ANO3: variants seen among roughly 807,000 people sequenced by gnomAD.
ANO3 encodes anoctamin 3.
In ANO3, 99 loss-of-function variants were observed where a neutral mutation model predicts 144.8. The observed-to-expected ratio is 0.68, with a 90% CI of 0.58 to 0.81. ANO3 has a LOEUF of 0.81. Among genes scored for constraint, ANO3 ranks in the 30% least tolerant of loss-of-function variants. The pLI is 0.00. For synonymous variants in ANO3, 414 were observed against 392.6 expected, an observed-to-expected ratio of 1.05 and a Z score of -0.64; for missense variants, 905 against 1,202.2, an observed-to-expected ratio of 0.75 and a Z score of 3.66.
chr11:26,437,820 C>G (rs1050495222), intron 1 of ANO3, among the ~76,000 whole-genome samples: 1 of 149,818 alleles, frequency 6.7e-6, no homozygotes, highest in Non-Finnish European at 1.5e-5. Flanking sequence ...ACACGTAACT[C>G]ATGTATGAGT....
intron 14 of ANO3, among the ~76,000 whole-genome samples, chr11:26,591,173 T>A (rs1851439760): frequency 6.6e-6 from 1 of 152,142 alleles, no homozygotes; most frequent in African/African-American, 2.4e-5. Context: ...GAATTCTTAG[T>A]CAGCCTAGGA....
chr11:26,411,691 T>C (rs537726959), intron 1 of ANO3, among the ~76,000 whole-genome samples: 5 of 151,514 alleles, frequency 3.3e-5, no homozygotes, highest in Non-Finnish European at 7.4e-5. Context: ...GTGAGATAAG[T>C]ATGGCAATAT....
chr11:26,482,126 G>A (rs1378946795), intron 4 of ANO3, among the ~76,000 whole-genome samples: 1 of 151,828 alleles, frequency 6.6e-6, no homozygotes, highest in African/African-American at 2.4e-5. Flanking sequence ...CCAACCTCCT[G>A]GGCTCAAGTG....
At chr11:26,192,457 A>G (rs1247949976) in intron 1 of ANO3, among the ~76,000 whole-genome samples, 3 of 152,178 alleles carry the variant, frequency 2.0e-5, no homozygotes, top group African/African-American at 7.2e-5. Context: ...ATAAAATATA[A>G]CTGATGAAGG....
chr11:26,335,013 T>C (rs539764415), intron 1 of ANO3, among the ~76,000 whole-genome samples: 57 of 152,252 alleles, frequency 3.7e-4, no homozygotes, highest in Non-Finnish European at 6.8e-4. Context: ...CCGATCAAAA[T>C]TGGTTTTGAT....
intron 1 of ANO3, among the ~76,000 whole-genome samples, chr11:26,294,125 G>T (rs940111397): frequency 2.6e-5 from 4 of 152,116 alleles, no homozygotes; most frequent in South Asian, 2.1e-4. Context: ...AATAAAATAC[G>T]TTTAAAGGAC....
intron 10 of ANO3, among the ~76,000 whole-genome samples, chr11:26,541,740 T>C (rs1220602025): frequency 6.6e-6 from 1 of 152,156 alleles, no homozygotes; most frequent in Non-Finnish European, 1.5e-5. Context: ...AGTAATTTAA[T>C]AAAAGATTTT....
intron 1 of ANO3, among the ~76,000 whole-genome samples, chr11:26,324,772 C>A (rs1019412151): frequency 6.6e-6 from 1 of 152,148 alleles, no homozygotes; most frequent in Admixed American, 6.6e-5. Flanking sequence ...CAAAGGCAGT[C>A]TGGAAACATG....
intron 1 of ANO3, among the ~76,000 whole-genome samples, chr11:26,282,303 T>C (rs962702979): frequency 9.7e-5 from 14 of 144,138 alleles, no homozygotes; most frequent in African/African-American, 4.0e-4. Flanking sequence ...AGGTTTTCAT[T>C]TTTTTTGTTT....
At chr11:26,601,868 C>T (rs1161440158) in intron 17 of ANO3, among the ~76,000 whole-genome samples, 4 of 152,052 alleles carry the variant, frequency 2.6e-5, no homozygotes, top group African/African-American at 4.8e-5. Context: ...CATTTCTTAT[C>T]GTAAGTAGGT....
At chr11:26,616,782 T>A (rs1852274575) in intron 17 of ANO3, among the ~76,000 whole-genome samples, 1 of 152,216 alleles carries the variant, frequency 6.6e-6, no homozygotes, top group Non-Finnish European at 1.5e-5. Context: ...TTATTATTTT[T>A]ATTTTTTTGA....
rs147793863 is a variant in ANO3 at position 26,563,478 on chromosome 11, T to C, written c.1447+3699T>C. ...ATATATGGGCAAACGTATTTGTTGA[T>C]AAAACCACACTTCTAATTTTTAATT... On this transcript the variant is annotated intron_variant, in intron 14 of 26. Coordinates refer to ENST00000256737, the MANE Select transcript of ANO3 (RefSeq NM_031418.4). Among the ~76,000 whole-genome samples, 79 of 151,516 alleles carry C rather than the reference T, an allele frequency of 5.2e-4. 2 individuals are homozygous for C. The East Asian group carries it at 0.015, about 28-fold the overall frequency.
intron 1 of ANO3, among the ~76,000 whole-genome samples, chr11:26,356,976 C>G (rs1240880003): frequency 6.6e-6 from 1 of 152,186 alleles, no homozygotes; most frequent in Non-Finnish European, 1.5e-5. Flanking sequence ...ATATCTAGGA[C>G]AGTCTCCCCA....
intron 1 of ANO3, among the ~76,000 whole-genome samples, chr11:26,376,829 G>T (rs893766568): frequency 6.6e-6 from 1 of 152,128 alleles, no homozygotes; most frequent in African/African-American, 2.4e-5. Context: ...TAACTGTGTT[G>T]TTGGGGAACT....
intron 24 of ANO3, among the ~76,000 whole-genome samples, chr11:26,651,512 T>C (rs148470618): frequency 8.5e-5 from 13 of 152,090 alleles, no homozygotes; most frequent in African/African-American, 2.9e-4. Context: ...ATTAAAGGGA[T>C]TTGCAAACAT....
chr11:26,339,174 G>A (rs547092868), intron 1 of ANO3, among the ~76,000 whole-genome samples: 1 of 145,094 alleles, frequency 6.9e-6, no homozygotes, highest in East Asian at 2.0e-4. Context: ...TTCTTTTTTT[G>A]ATGGAGTCTG....
chr11:26,434,967 G>A (rs147168991), intron 1 of ANO3, among the ~76,000 whole-genome samples: 1,955 of 152,218 alleles, frequency 0.013, 52 homozygotes, highest in African/African-American at 0.044. Flanking sequence ...TTCAGGTCCT[G>A]AATATCTTTG....
chr11:26,423,073 A>G (rs765451518), intron 1 of ANO3, among the ~76,000 whole-genome samples: 1 of 151,958 alleles, frequency 6.6e-6, no homozygotes, highest in Non-Finnish European at 1.5e-5. Context: ...TTTAAGTGTT[A>G]CATTTGACTA....
intron 1 of ANO3, among the ~76,000 whole-genome samples, chr11:26,229,451 C>A (rs891197544): frequency 6.6e-6 from 1 of 152,158 alleles, no homozygotes; most frequent in African/African-American, 2.4e-5. Context: ...ATTTCCTCAT[C>A]TCTTTGTGAA....
Sources: allele counts gnomAD v4.1 joint callset (sites outside exome capture counted in the v4.1 genomes callset), GRCh38; gene constraint gnomAD v4.1.1; transcripts MANE v1.5; gene names NCBI Gene and HGNC (gene_info 2026-07-23, HGNC 2026-07-21).